SGCD: variants seen among roughly 807,000 people sequenced by gnomAD.
SGCD encodes the protein delta-sarcoglycan.
In SGCD, 18 loss-of-function variants were observed where a neutral mutation model predicts 36.6. The ratio of observed to expected loss-of-function variants is 0.49; its 90% CI spans 0.34 to 0.73. The LOEUF (loss-of-function observed/expected upper bound fraction) is 0.73, where lower values mean the gene tolerates loss of function less well. SGCD is among the 30% of genes least tolerant of loss of function. The pLI is 0.01. For missense variants in SGCD, 387 were observed against 346.7 expected, an observed-to-expected ratio of 1.12 and a Z score of -0.92; for synonymous variants, 133 against 130.6, an observed-to-expected ratio of 1.02 and a Z score of -0.12.
intron 1 of SGCD, among the ~76,000 whole-genome samples, chr5:156,070,109 G>T (rs376641501): frequency 3.5e-5 from 5 of 143,900 alleles, no homozygotes; most frequent in African/African-American, 1.5e-4. Context: ...TTTCCTAATT[G>T]GATACCCTTT....
At chr5:156,656,316 A>G (rs908952539) in intron 7 of SGCD, among the ~76,000 whole-genome samples, 5 of 152,154 alleles carry the variant, frequency 3.3e-5, no homozygotes, top group Non-Finnish European at 5.9e-5. Context: ...CGCCCAATAC[A>G]ATACCGTGTG....
the SGCD span, among the ~76,000 whole-genome samples, chr5:155,826,271 T>C: frequency 6.6e-6 from 1 of 152,232 alleles, no homozygotes; most frequent in Non-Finnish European, 1.5e-5. Context: ...GTTGCCACTC[T>C]TTCAGGCTCA....
chr5:156,519,215 A>G (rs987627308), intron 4 of SGCD, among the ~76,000 whole-genome samples: 3 of 152,180 alleles, frequency 2.0e-5, no homozygotes, highest in Non-Finnish European at 4.4e-5. Flanking sequence ...CTCTATGCAT[A>G]TAAACCAGAA....
chr5:155,947,949 G>C (rs1034046964), intron 1 of SGCD, among the ~76,000 whole-genome samples: 2 of 151,980 alleles, frequency 1.3e-5, no homozygotes, highest in African/African-American at 4.8e-5. Context: ...AAAAGGACTT[G>C]CTTCATAGGG....
At chr5:156,631,525 G>T (rs1469390770) in intron 6 of SGCD, among the ~76,000 whole-genome samples, 1 of 142,328 alleles carries the variant, frequency 7.0e-6, no homozygotes, top group African/African-American at 2.7e-5. Flanking sequence ...CTTTGGCACT[G>T]ACTAATTCAG....
At chr5:156,636,556 G>A (rs1428549184) in intron 6 of SGCD, among the ~76,000 whole-genome samples, 2 of 152,170 alleles carry the variant, frequency 1.3e-5, no homozygotes, top group Admixed American at 6.5e-5. Context: ...GGTGATAACT[G>A]AAGGGAAACC....
intron 3 of SGCD, among the ~76,000 whole-genome samples, chr5:156,415,560 G>C (rs1467538785): frequency 1.3e-5 from 2 of 152,138 alleles, no homozygotes; most frequent in African/African-American, 2.4e-5. Context: ...TCACATCCTT[G>C]ACTGGTCTTG....
chr5:156,657,659 A>G (rs894231077), intron 7 of SGCD, among the ~76,000 whole-genome samples: 4 of 152,060 alleles, frequency 2.6e-5, no homozygotes, highest in African/African-American at 9.7e-5. Context: ...GCTAGTTGGG[A>G]GGCTGAGGCA....
intron 3 of SGCD, among the ~76,000 whole-genome samples, chr5:156,378,694 T>C (rs58394898): frequency 0.031 from 4,682 of 152,212 alleles, 237 homozygotes; most frequent in African/African-American, 0.11. Context: ...AAATAATCAG[T>C]CCTTTTAGAA....
At chr5:155,776,640 A>G in the SGCD span, among the ~76,000 whole-genome samples, 3 of 95,172 alleles carry the variant, frequency 3.2e-5, no homozygotes, top group Non-Finnish European at 4.5e-5. Context: ...AACACCCCCC[A>G]CCCCCGCCCC....
rs999544694 is a variant in SGCD, at chr5:156,221,565, A to G, written c.-44+97546A>G. Reference sequence around the variant, plus strand: ...TGGGAGAATCTAATGAGATTTAAAAAAAAAACAAAAAACAAAAACAACAAC... The same window carrying G: ...TGGGAGAATCTAATGAGATTTAAAAGAAAAACAAAAAACAAAAACAACAAC... On this transcript the variant is annotated intron_variant, in intron 3 of 9. Coordinates refer to the SGCD transcript ENST00000517913. Among the ~76,000 whole-genome samples the G allele has an allele frequency of 4.6e-5, 7 of 152,048 alleles. No individual in the cohort carries two copies. The East Asian group carries it at 1.4e-3, about 29-fold the overall frequency.
At chr5:156,523,192 C>A (rs1757485320) in intron 4 of SGCD, among the ~76,000 whole-genome samples, 1 of 151,772 alleles carries the variant, frequency 6.6e-6, no homozygotes, top group Non-Finnish European at 1.5e-5. Context: ...GAACTAAAAT[C>A]CAGAATGGCA....
At chr5:156,086,033 C>A (rs774816740) in intron 1 of SGCD, among the ~76,000 whole-genome samples, 1 of 152,110 alleles carries the variant, frequency 6.6e-6, no homozygotes, top group Admixed American at 6.6e-5. Context: ...TTGGGTGTAT[C>A]TTTTTCTATA....
At chr5:156,379,902 A>C (rs918303496) in intron 3 of SGCD, among the ~76,000 whole-genome samples, 1 of 152,220 alleles carries the variant, frequency 6.6e-6, no homozygotes, top group East Asian at 1.9e-4. Context: ...AGGAAAAAAG[A>C]AAAAGCAAAA....
chr5:156,672,978 C>A (rs1384866660), intron 7 of SGCD, among the ~76,000 whole-genome samples: 1 of 152,074 alleles, frequency 6.6e-6, no homozygotes, highest in African/African-American at 2.4e-5. Context: ...TCTTGGTACA[C>A]CCTAGGCTCA....
chr5:156,640,803 A>G (rs148197970), intron 6 of SGCD, among the ~76,000 whole-genome samples: 9 of 152,308 alleles, frequency 5.9e-5, no homozygotes, highest in East Asian at 5.8e-4. Context: ...AATATTTGGT[A>G]TGTATCCTAG....
At chr5:156,192,608 AAG>A (rs1408325954) in intron 3 of SGCD, among the ~76,000 whole-genome samples, 3 of 152,014 alleles carry the variant, frequency 2.0e-5, no homozygotes, top group African/African-American at 7.2e-5. Context: ...AAATAGCTAG[AAG>A]AGAGAACTTT....
intron 7 of SGCD, among the ~76,000 whole-genome samples, chr5:156,668,642 G>T (rs1235808873): frequency 6.6e-6 from 1 of 152,156 alleles, no homozygotes; most frequent in Non-Finnish European, 1.5e-5. Context: ...TTAGAGACCA[G>T]GGAAGGATAC....
intron 1 of SGCD, among the ~76,000 whole-genome samples, chr5:156,019,087 A>G (rs781232237): frequency 6.6e-6 from 1 of 152,210 alleles, no homozygotes; most frequent in Non-Finnish European, 1.5e-5. Flanking sequence ...CCCTAGCTCA[A>G]TCTAATTTGA....
Sources: gnomAD v4.1 joint callset for allele counts (sites outside exome capture counted in the v4.1 genomes callset) on GRCh38, gnomAD v4.1.1 for gene constraint, MANE v1.5 for transcripts, NCBI Gene and HGNC (gene_info 2026-07-23, HGNC 2026-07-21) for gene names.